The following KCNN3 variants were observed in gnomAD, a reference collection of about 807,000 sequenced individuals.
KCNN3 encodes potassium calcium-activated channel subfamily N member 3.
KCNN3 carries 16 observed loss-of-function variants against 62.9 expected under a neutral mutation model. That is an observed-to-expected ratio of 0.25 (90% CI 0.17 to 0.39). The LOEUF is 0.39. KCNN3 is among the 10% of genes least tolerant of loss of function. KCNN3 has a pLI of 1.00. For synonymous variants in KCNN3, 370 were observed against 389.2 expected, an observed-to-expected ratio of 0.95 and a Z score of 0.58; for missense variants, 599 against 949.4, an observed-to-expected ratio of 0.63 and a Z score of 4.85.
chr1:154,859,672 G>A (rs1652680990), intron 1 of KCNN3: 1 of 1,612,320 alleles, frequency 6.2e-7, no homozygotes. Flanking sequence ...CTACCTACTG[G>A]GTAACCTGGG....
At chr1:154,788,122 C>A (rs1444302318) in intron 2 of KCNN3, among the ~76,000 whole-genome samples, 2 of 152,142 alleles carry the variant, frequency 1.3e-5, no homozygotes, top group Non-Finnish European at 2.9e-5. Flanking sequence ...TGTCGGTCAC[C>A]CTTTCTGACT....
chr1:154,720,284 A>T (rs962753455), intron 5 of KCNN3, among the ~76,000 whole-genome samples: 14 of 152,146 alleles, frequency 9.2e-5, no homozygotes, highest in South Asian at 2.1e-4. Context: ...TGTTTCTGTG[A>T]CTATTGCTAA....
At chr1:154,790,210 C>T (rs577771046) in intron 2 of KCNN3, among the ~76,000 whole-genome samples, 80 of 152,298 alleles carry the variant, frequency 5.3e-4, no homozygotes, top group African/African-American at 1.8e-3. Context: ...GGATTACAGG[C>T]GTGAGCCACC....
intron 2 of KCNN3, among the ~76,000 whole-genome samples, chr1:154,818,268 C>T (rs1650749418): frequency 6.6e-6 from 1 of 152,060 alleles, no homozygotes; most frequent in Admixed American, 6.6e-5. Flanking sequence ...GGAAACCAAC[C>T]CCTTCTTTTC....
intron 2 of KCNN3, among the ~76,000 whole-genome samples, chr1:154,782,524 C>G (rs905637782): frequency 6.6e-6 from 1 of 152,140 alleles, no homozygotes; most frequent in Non-Finnish European, 1.5e-5. Flanking sequence ...TAGGACTAGA[C>G]CTCATCCTTA....
In KCNN3 at chr1:154,727,376, G is replaced by T. The variant is rs1290673231; in HGVS notation, c.1591-1350C>A. On this transcript the variant is annotated intron_variant, in intron 4 of 7. Transcript: ENST00000271915. ...AAGCAGAAAAGAATGTTTTTCAAAG[G>T]TACTATAATCTATAACCGACTTGGA... is the stretch of plus-strand genomic sequence containing the variant. 2.0e-5 allele frequency among the ~76,000 whole-genome samples: 3 copies of T among 152,172 alleles called. No homozygotes were observed. In the South Asian group the frequency reaches 6.2e-4, roughly 32 times the overall value.
chr1:154,840,990 C>T (rs1420452274), intron 1 of KCNN3, among the ~76,000 whole-genome samples: 1 of 152,024 alleles, frequency 6.6e-6, no homozygotes, highest in African/African-American at 2.4e-5. Flanking sequence ...TTCCCAAAGC[C>T]ACCAGGTGGA....
intron 4 of KCNN3, among the ~76,000 whole-genome samples, chr1:154,729,614 A>T (rs963469794): frequency 6.6e-6 from 1 of 152,226 alleles, no homozygotes; most frequent in African/African-American, 2.4e-5. Flanking sequence ...CATAAAATAA[A>T]ATAAAACACA....
chr1:154,738,079 C>G (rs1700749533), intron 3 of KCNN3, among the ~76,000 whole-genome samples: 1 of 152,130 alleles, frequency 6.6e-6, no homozygotes, highest in African/African-American at 2.4e-5. Context: ...AAACAAAAAT[C>G]CCCAGAACTT....
At chr1:154,773,408 A>C (rs1322594560) in intron 2 of KCNN3, among the ~76,000 whole-genome samples, 1 of 152,242 alleles carries the variant, frequency 6.6e-6, no homozygotes. Context: ...GAGCTGCTCT[A>C]GAAAATTAAT....
intron 2 of KCNN3, among the ~76,000 whole-genome samples, chr1:154,798,873 G>A (rs762455561): frequency 1.3e-5 from 2 of 150,864 alleles, no homozygotes; most frequent in Non-Finnish European, 2.9e-5. Flanking sequence ...TGAGACCATT[G>A]CTATGAACTA....
intron 3 of KCNN3, among the ~76,000 whole-genome samples, chr1:154,738,843 G>A (rs1008084357): frequency 3.3e-5 from 5 of 152,214 alleles, no homozygotes; most frequent in Non-Finnish European, 7.3e-5. Flanking sequence ...GAAGGGAAAA[G>A]TTATCATATT....
At chr1:154,721,593 A>G (rs562716722) in intron 5 of KCNN3, among the ~76,000 whole-genome samples, 3 of 151,800 alleles carry the variant, frequency 2.0e-5, no homozygotes, top group African/African-American at 4.8e-5. Context: ...GAGCCACCGC[A>G]CCCGGCCCAC....
intron 2 of KCNN3, among the ~76,000 whole-genome samples, chr1:154,789,395 C>A (rs1649415092): frequency 6.6e-6 from 1 of 152,096 alleles, no homozygotes; most frequent in African/African-American, 2.4e-5. Context: ...GGATTAGGAG[C>A]TGGATATTTT....
chr1:154,733,235 T>G, intron 3 of KCNN3, 91 bp from the exon 4 acceptor site: 17 of 1,340,832 alleles, frequency 1.3e-5, no homozygotes, highest in Non-Finnish European at 1.8e-5. Context: ...GGAAATGAGA[T>G]ATTTTGCTGA....
chr1:154,735,254 C>T (rs553077601), intron 3 of KCNN3, among the ~76,000 whole-genome samples: 2 of 152,264 alleles, frequency 1.3e-5, no homozygotes, highest in African/African-American at 4.8e-5. Flanking sequence ...TCTCACCCAC[C>T]GGAGCCCGGC....
chr1:154,801,971 T>C (rs6690388), intron 2 of KCNN3, among the ~76,000 whole-genome samples: 25,171 of 152,182 alleles, frequency 0.17, 2,296 homozygotes, highest in South Asian at 0.31. Flanking sequence ...ACATGGCCTT[T>C]GTTCACTTGT....
chr1:154,820,279 A>AG (rs1650835963), intron 2 of KCNN3, among the ~76,000 whole-genome samples: 1 of 152,192 alleles, frequency 6.6e-6, no homozygotes, highest in Non-Finnish European at 1.5e-5. Context: ...CATCAGAGGG[A>AG]GGGACACCTG....
intron 3 of KCNN3, among the ~76,000 whole-genome samples, chr1:154,734,049 A>C (rs1700656349): frequency 6.6e-6 from 1 of 152,194 alleles, no homozygotes; most frequent in South Asian, 2.1e-4. Flanking sequence ...GAGGGTCCAC[A>C]GAGGTGCCAC....
Sources: gnomAD v4.1 joint callset for allele counts (sites outside exome capture counted in the v4.1 genomes callset) on GRCh38, gnomAD v4.1.1 for gene constraint, MANE v1.5 for transcripts, NCBI Gene and HGNC (gene_info 2026-07-23, HGNC 2026-07-21) for gene names.